The following MAPK14 variants were observed in gnomAD, a reference collection of about 807,000 sequenced individuals.
MAPK14 encodes the protein mitogen-activated protein kinase 14.
Under a neutral mutation model 49.6 loss-of-function variants are expected in MAPK14, and 16 were observed. That is an observed-to-expected ratio of 0.32 (90% CI 0.22 to 0.49). The LOEUF is 0.49. Ranked by LOEUF, MAPK14 falls within the 20% of genes least tolerant of loss-of-function variation. The pLI, the probability that MAPK14 is intolerant of heterozygous loss-of-function variation, is 0.99. For missense variants in MAPK14, 200 were observed against 441.2 expected (o/e 0.45, Z 4.90); for synonymous variants, 142 against 158.0 (o/e 0.90, Z 0.76).
At position 36,110,127 on chromosome 6, in the gene MAPK14, T is replaced by C. The variant is rs1765921477; in HGVS notation, c.*1680T>C. 6.6e-6 allele frequency: 1 copy of C among 152,152 alleles called. No homozygotes were observed. The highest frequency in any genetic ancestry group is 6.5e-5 in the Admixed American group (1 of 15,278). The allele number at this position is 152,152 out of a possible 1,614,324, so 9.4% of individuals were successfully genotyped here. ...GCATTTTGTTCTACATGAGGACTCA[T>C]ATATTTAAGCCTTTTGTGTAATAAG... On this transcript the variant is annotated 3_prime_UTR_variant, in exon 12 of 12. Coordinates refer to ENST00000229794, the MANE Select transcript of MAPK14 (RefSeq NM_139012.3).
chr6:36,074,737 T>C (rs1764450701), intron 6 of MAPK14, among the ~76,000 whole-genome samples: 1 of 151,832 alleles, frequency 6.6e-6, no homozygotes, highest in African/African-American at 2.4e-5. Context: ...TGCCTCAGCC[T>C]CCCGAGTAGC....
At chr6:36,048,017 C>T (rs558331936) in intron 1 of MAPK14, among the ~76,000 whole-genome samples, 145 of 151,244 alleles carry the variant, frequency 9.6e-4, no homozygotes, top group Non-Finnish European at 1.2e-3. Context: ...TGAGCCACTG[C>T]GCCTGGCTGC....
intron 2 of MAPK14, among the ~76,000 whole-genome samples, chr6:36,054,499 T>C (rs999882900): frequency 2.6e-5 from 4 of 152,074 alleles, no homozygotes; most frequent in African/African-American, 9.7e-5. Context: ...ACTAGCAGTC[T>C]TTTTTTTATA....
At chr6:36,052,427 A>C (rs1238762498) in intron 1 of MAPK14, among the ~76,000 whole-genome samples, 1 of 152,240 alleles carries the variant, frequency 6.6e-6, no homozygotes, top group Non-Finnish European at 1.5e-5. Flanking sequence ...TCTTACTTAC[A>C]AAGTTGAAAA....
chr6:36,090,974 A>G (rs1214169419), intron 8 of MAPK14, among the ~76,000 whole-genome samples: 3 of 152,220 alleles, frequency 2.0e-5, no homozygotes, highest in African/African-American at 7.2e-5. Flanking sequence ...CTTGGAAGAT[A>G]AGGAGCTAGG....
At chr6:36,040,304 A>G (rs1762916415) in intron 1 of MAPK14, among the ~76,000 whole-genome samples, 1 of 152,320 alleles carries the variant, frequency 6.6e-6, no homozygotes, top group Non-Finnish European at 1.5e-5. Context: ...ACATTGCCAC[A>G]TATCTCTTGA....
rs539607758 is a variant in MAPK14, at chr6:36,107,244, A to C, written c.842-211A>C. ...CCCCAAATCAAAAATAAAATAAAAA[A>C]ATTTTAAAACATAGAAAATACAGAT... On this transcript the variant is annotated intron_variant, in intron 10 of 11. Coordinates refer to ENST00000229794, the MANE Select transcript of MAPK14 (RefSeq NM_139012.3). This position sits in a 1 kb window ranked among gnomAD's most constrained non-coding sequence, Gnocchi z 4.3. Among the ~76,000 whole-genome samples, 5 of 145,412 alleles carry C rather than the reference A, an allele frequency of 3.4e-5. No homozygotes were observed. The South Asian group carries it at 1.1e-3, about 32-fold the overall frequency.
chr6:36,085,002 G>A (rs1022914778), intron 8 of MAPK14, among the ~76,000 whole-genome samples: 1 of 152,182 alleles, frequency 6.6e-6, no homozygotes, highest in Non-Finnish European at 1.5e-5. Flanking sequence ...CAAGCCAGAA[G>A]AGATTCGGGG....
chr6:36,069,956 C>T (rs1283143750), intron 3 of MAPK14, among the ~76,000 whole-genome samples: 1 of 151,910 alleles, frequency 6.6e-6, no homozygotes, highest in Non-Finnish European at 1.5e-5. Context: ...AAAGAATAAC[C>T]CTCTTATTAT....
chr6:36,069,416 G>A (rs116517972), intron 3 of MAPK14, among the ~76,000 whole-genome samples: 1,905 of 152,224 alleles, frequency 0.013, 48 homozygotes, highest in African/African-American at 0.043. Flanking sequence ...TGTAACAATT[G>A]GTGGTCATGG....
intron 8 of MAPK14, among the ~76,000 whole-genome samples, chr6:36,086,721 AGAG>A (rs1765000986): frequency 6.6e-6 from 1 of 152,228 alleles, no homozygotes. Flanking sequence ...GGTACAAAGA[AGAG>A]CTGGTACCAT....
intron 8 of MAPK14, among the ~76,000 whole-genome samples, chr6:36,088,005 C>A (rs921167536): frequency 1.3e-5 from 2 of 152,136 alleles, no homozygotes; most frequent in Non-Finnish European, 2.9e-5. Context: ...TTCAACAAAC[C>A]TGACAAAACG....
At chr6:36,044,094 G>A (rs1441083147) in intron 1 of MAPK14, among the ~76,000 whole-genome samples, 1 of 152,034 alleles carries the variant, frequency 6.6e-6, no homozygotes, top group African/African-American at 2.4e-5. Context: ...ACAGTCGTGA[G>A]CCACCGCACC....
chr6:36,105,553 G>T (rs1056873278), intron 10 of MAPK14, among the ~76,000 whole-genome samples: 4 of 152,134 alleles, frequency 2.6e-5, no homozygotes, highest in Admixed American at 2.6e-4. Flanking sequence ...CTTTTTCTAA[G>T]AAGAGAAGAC....
chr6:36,074,287 TTTTTA>T lies in MAPK14; in HGVS notation c.495+197_495+201del, dbSNP rs560579125. ...GTGACATTGAAAGTGGCATCACTTG[TTTTTA>T]TTTTAACATAAAGTTAAATTATAAA... is the stretch of plus-strand genomic sequence containing the variant. On this transcript the variant is annotated intron_variant, in intron 6 of 11. Coordinates refer to ENST00000229794, the MANE Select transcript of MAPK14 (RefSeq NM_139012.3). Among the ~76,000 whole-genome samples, 447 of 152,344 alleles carry T rather than the reference TTTTTA, an allele frequency of 2.9e-3. 2 individuals carry two copies. The highest frequency in any genetic ancestry group is 6.8e-3 in the Middle Eastern group (2 of 294).
downstream of MAPK14, among the ~76,000 whole-genome samples, chr6:36,114,711 A>G (rs1237976651): frequency 6.6e-6 from 1 of 152,038 alleles, no homozygotes; most frequent in Non-Finnish European, 1.5e-5. Context: ...TAGGGGAAAT[A>G]TGTTTGGTAC....
At chr6:36,032,984 ATTT>A (rs5875529) in intron 1 of MAPK14, among the ~76,000 whole-genome samples, 2 of 147,406 alleles carry the variant, frequency 1.4e-5, no homozygotes, top group Admixed American at 6.7e-5. Context: ...TTTTAAATCT[ATTT>A]TTTTTTTTTT....
chr6:36,119,360 G>A, the MAPK14 span, among the ~76,000 whole-genome samples: 2 of 152,306 alleles, frequency 1.3e-5, no homozygotes, highest in Non-Finnish European at 1.5e-5. Flanking sequence ...CGTCCATTTG[G>A]CAGGATTCAG....
chr6:36,100,394 G>T lies in MAPK14; in HGVS notation c.763-2177G>T. On this transcript the variant is annotated intron_variant, in intron 9 of 11. Transcript: ENST00000229794. ...CATGTGCCTTGAGGCCTGCCTATGT[G>T]CTATTGCAAGATGTTGACTTTTGGG... 5.6e-6 allele frequency: 4 copies of T among 709,154 alleles called. No individual in the cohort carries two copies. The South Asian group carries it at 6.3e-5, about 11-fold the overall frequency. The allele number at this position is 709,154 out of a possible 1,614,324, so 43.9% of individuals were successfully genotyped here.
Sources: gnomAD v4.1 joint callset for allele counts (sites outside exome capture counted in the v4.1 genomes callset) on GRCh38, gnomAD v4.1.1 for gene constraint, Gnocchi (gnomAD v3.1) non-coding constraint, MANE v1.5 for transcripts, NCBI Gene and HGNC (gene_info 2026-07-23, HGNC 2026-07-21) for gene names.